Variants in ACTR1A observed in about 807,000 individuals in gnomAD.
The protein encoded by ACTR1A is alpha-centractin.
A neutral mutation model predicts 50.7 loss-of-function variants in ACTR1A; 10 were observed. The ratio of observed to expected loss-of-function variants is 0.20; its 90% CI spans 0.12 to 0.33. ACTR1A has a LOEUF of 0.33. Among genes scored for constraint, ACTR1A ranks in the 10% least tolerant of loss-of-function variants. ACTR1A has a pLI of 1.00. For missense variants in ACTR1A, 253 were observed against 491.7 expected (o/e 0.51, Z 4.59); for synonymous variants, 177 against 184.2 (o/e 0.96, Z 0.32).
At chr10:102,501,381 A>G (rs182813623) in intron 1 of ACTR1A, among the ~76,000 whole-genome samples, 5 of 152,314 alleles carry the variant, frequency 3.3e-5, no homozygotes, top group Admixed American at 1.3e-4. Context: ...TAAGGTCCCA[A>G]GAGCTGAATC....
At chr10:102,485,547 G>T (rs1283129160) in intron 5 of ACTR1A, 62 bp downstream of exon 5, 1 of 1,603,930 alleles carries the variant, frequency 6.2e-7, no homozygotes, top group Non-Finnish European at 8.5e-7. Context: ...AGGAGAGCCA[G>T]CCTCAGCTGT....
intron 4 of ACTR1A, among the ~76,000 whole-genome samples, chr10:102,487,120 A>G (rs1034145211): frequency 6.6e-6 from 1 of 152,056 alleles, no homozygotes; most frequent in Non-Finnish European, 1.5e-5. Flanking sequence ...CTTCCTTACA[A>G]GTTAATAAGC....
At chr10:102,481,094 C>T in intron 10 of ACTR1A, 38 bp downstream of exon 10, 1 of 1,604,202 alleles carries the variant, frequency 6.2e-7, no homozygotes, top group Non-Finnish European at 8.5e-7. Context: ...AGTGCCATCA[C>T]TTCCTGTTCT....
rs1389835910 is a variant in ACTR1A at position 102,484,259 on chromosome 10, C to T, written c.558G>A (p.Ala186=). ...GCAGGAAGCGAGAGACGTCCCGGCC[C>T]GCGATGTCGATGCGCATGATGGAGT... ...MPHSIMRIDI[A]GRDVSRFLRL... Residue 186 remains alanine (A), a synonymous_variant, in exon 6 of 11, where the codon GCG becomes GCA. Coordinates refer to ENST00000369905, the MANE Select transcript of ACTR1A (RefSeq NM_005736.4). The T allele has an allele frequency of 1.9e-6, 3 of 1,614,192 alleles. No individual in the cohort carries two copies. Among genetic ancestry groups the T allele is most frequent in the Admixed American group, 1.7e-5 (1 of 60,018 alleles).
intron 9 of ACTR1A, 34 bp downstream of exon 9, chr10:102,481,803 G>C (rs762557730): frequency 1.2e-6 from 2 of 1,611,250 alleles, no homozygotes; most frequent in African/African-American, 1.3e-5. Flanking sequence ...TGGAAGCCTA[G>C]TTCCACCCAG....
chr10:102,487,781 G>A (rs7358269), intron 4 of ACTR1A, among the ~76,000 whole-genome samples: 46,531 of 151,282 alleles, frequency 0.31, 7,472 homozygotes, highest in Admixed American at 0.36. Context: ...ACAGGCGCCC[G>A]CCACCACGCC....
chr10:102,498,324 C>T (rs200302676), intron 1 of ACTR1A, among the ~76,000 whole-genome samples: 1 of 139,184 alleles, frequency 7.2e-6, no homozygotes, highest in Non-Finnish European at 1.6e-5. Flanking sequence ...CTCTCTCTCT[C>T]TTTTTTTTTT....
Position 102,488,394 on chromosome 10 carries a change from C to T in ACTR1A, c.190-119G>A, listed in dbSNP as rs991825504. The T allele has an allele frequency of 4.8e-5, 69 of 1,424,352 alleles. No individual in the cohort carries two copies. The African/African-American group carries it at 9.0e-4, about 19-fold the overall frequency. The allele number at this position is 1,424,352 out of a possible 1,614,324, so 88.2% of individuals were successfully genotyped here. On this transcript the variant is annotated intron_variant, in intron 3 of 10. Coordinates refer to ENST00000369905, the MANE Select transcript of ACTR1A (RefSeq NM_005736.4). The surrounding 1 kb of genome is among the most constrained non-coding windows in gnomAD (Gnocchi z 4.4). ...AAGAAGCCTCAGCTTCCTGAGCTTC[C>T]ACCCTGCTGTCCTTGCCCAGGGCTA...
intron 1 of ACTR1A, among the ~76,000 whole-genome samples, chr10:102,491,477 G>C (rs2062194021): frequency 6.6e-6 from 1 of 152,200 alleles, no homozygotes. Context: ...GATGCTTTGG[G>C]AGATTTTTGT....
chr10:102,479,780 C>G lies in ACTR1A; in HGVS notation c.*1083G>C. 1 of 912,320 alleles carries G rather than the reference C, an allele frequency of 1.1e-6. No individual in the cohort carries two copies. The highest frequency in any genetic ancestry group is 1.5e-6 in the Non-Finnish European group (1 of 679,380). 56.5% of individuals were successfully genotyped at this position (912,320 alleles called of 1,614,324 possible). A position where few individuals can be genotyped will look rare whatever the true frequency, so the allele number is the denominator to read the frequency against. On this transcript the variant is annotated 3_prime_UTR_variant, in exon 11 of 11. Coordinates refer to ENST00000369905, the MANE Select transcript of ACTR1A (RefSeq NM_005736.4). The surrounding 1 kb of genome is among the most constrained non-coding windows in gnomAD (Gnocchi z 4.0). ...AGGGCACTGGCTCTCCAACACCCCT[C>G]CCTTGCTTAGGGGCCTCTGCCAAAG...
At chr10:102,490,512 T>C in intron 2 of ACTR1A, 37 bp downstream of exon 2, 1 of 1,568,472 alleles carries the variant, frequency 6.4e-7, no homozygotes, top group Non-Finnish European at 8.8e-7. Flanking sequence ...ACAAAGCTGA[T>C]GAGCCTCCAA....
Position 102,482,161 on chromosome 10 carries a change from T to C in ACTR1A, c.765A>G (p.Arg255=). 6.2e-7 allele frequency: 1 copy of C among 1,612,908 alleles called. No individual in the cohort carries two copies. Among genetic ancestry groups the C allele is most frequent in the Non-Finnish European group, 8.5e-7 (1 of 1,179,998 alleles). The change falls in exon 8 of 11, where the codon CGA becomes CGG. Residue 255 remains arginine, a synonymous_variant. Transcript: ENST00000369905. The surrounding 1 kb of genome is among the most constrained non-coding windows in gnomAD (Gnocchi z 5.6). ...TGAAGAGCAACTCAGGGGCCCGGAA[T>C]CGGGAAGGACCAATCTGCAGGTAGG... is the stretch of plus-strand genomic sequence containing the variant. ...DGSTIEIGPS[R]FRAPELLFRP...
intron 1 of ACTR1A, 29 bp from the exon 2 acceptor site, chr10:102,490,642 T>G: frequency 6.5e-7 from 1 of 1,542,452 alleles, no homozygotes; most frequent in Non-Finnish European, 9.0e-7. Context: ...GAATGAGGAG[T>G]CAGAACTATC....
intron 1 of ACTR1A, among the ~76,000 whole-genome samples, chr10:102,497,299 T>C (rs191397336): frequency 1.3e-5 from 2 of 152,224 alleles, no homozygotes; most frequent in Non-Finnish European, 2.9e-5. Context: ...ACACTATTCC[T>C]TCTCCTTTGT....
intron 1 of ACTR1A, among the ~76,000 whole-genome samples, chr10:102,500,464 G>C (rs2135591310): frequency 6.6e-6 from 1 of 152,302 alleles, no homozygotes; most frequent in African/African-American, 2.4e-5. Context: ...AGCTACTCGG[G>C]AGGCTGAGGC....
chr10:102,481,285 C>T (rs2062139966), intron 9 of ACTR1A, 113 bp from the exon 10 acceptor site: 1 of 1,201,198 alleles, frequency 8.3e-7, no homozygotes, highest in African/African-American at 1.5e-5. Flanking sequence ...AAGCCTGAAG[C>T]TCTGGCCTCT....
At chr10:102,502,124 C>A (rs1589967645) in intron 1 of ACTR1A, among the ~76,000 whole-genome samples, 1 of 152,212 alleles carries the variant, frequency 6.6e-6, no homozygotes, top group South Asian at 2.1e-4. Context: ...ATCCCCACAG[C>A]CCTGGAGCAC....
chr10:102,485,112 C>T (rs537307817), intron 5 of ACTR1A, among the ~76,000 whole-genome samples: 4 of 152,276 alleles, frequency 2.6e-5, no homozygotes, highest in Non-Finnish European at 4.4e-5. Flanking sequence ...ATAAATCCCA[C>T]GTGTAGGTCA....
intron 6 of ACTR1A, 102 bp from the exon 7 acceptor site, chr10:102,483,205 T>C (rs1441850451): frequency 2.2e-6 from 2 of 902,942 alleles, no homozygotes; most frequent in Admixed American, 3.5e-5. Flanking sequence ...TGTCTAAACG[T>C]TGTGATGGCC....
Sources: gnomAD v4.1 joint callset for allele counts (sites outside exome capture counted in the v4.1 genomes callset) on GRCh38, gnomAD v4.1.1 for gene constraint, Gnocchi (gnomAD v3.1) non-coding constraint, MANE v1.5 for transcripts, NCBI Gene and HGNC (gene_info 2026-07-23, HGNC 2026-07-21) for gene names.